The following MAST4 variants were observed in gnomAD, a reference collection of about 807,000 sequenced individuals.
MAST4 encodes microtubule-associated serine/threonine-protein kinase 4.
In MAST4, 89 loss-of-function variants were observed where a neutral mutation model predicts 162.7. The observed-to-expected ratio is 0.55, with a 90% CI of 0.46 to 0.65. The LOEUF (loss-of-function observed/expected upper bound fraction) is 0.65. Among genes scored for constraint, MAST4 ranks in the 30% least tolerant of loss-of-function variants. The pLI, the probability that MAST4 is intolerant of heterozygous loss-of-function variation, is 0.00. For missense variants in MAST4, 3,153 were observed against 3,374.0 expected (o/e 0.93, Z 1.62); for synonymous variants, 1,479 against 1,361.1 (o/e 1.09, Z -1.91).
chr5:67,039,114 T>A (rs1238762769), intron 4 of MAST4, among the ~76,000 whole-genome samples: 1 of 152,244 alleles, frequency 6.6e-6, no homozygotes, highest in African/African-American at 2.4e-5. Flanking sequence ...TGTTTTCAGA[T>A]GTATTTTACC....
At chr5:66,743,208 CTTTT>C (rs1365423721) in intron 1 of MAST4, among the ~76,000 whole-genome samples, 3 of 152,186 alleles carry the variant, frequency 2.0e-5, no homozygotes, top group Non-Finnish European at 4.4e-5. Flanking sequence ...TTTCTTCTTT[CTTTT>C]GTTTTTCTCA....
chr5:66,666,977 A>G (rs1561248993), intron 1 of MAST4, among the ~76,000 whole-genome samples: 2 of 152,150 alleles, frequency 1.3e-5, no homozygotes, highest in African/African-American at 4.8e-5. Flanking sequence ...GCCTGCCAGA[A>G]AGAGGCGGCC....
intron 1 of MAST4, among the ~76,000 whole-genome samples, chr5:66,676,713 T>C (rs1219002359): frequency 6.6e-6 from 1 of 152,202 alleles, no homozygotes; most frequent in African/African-American, 2.4e-5. Flanking sequence ...GGCTGCTCTT[T>C]AGGAGTTTGT....
chr5:66,891,046 T>G lies in MAST4; in HGVS notation c.643-8905T>G, dbSNP rs1470085039. Among the ~76,000 whole-genome samples the G allele has an allele frequency of 3.3e-5, 5 of 152,362 alleles. No individual in the cohort carries two copies. In the East Asian group the frequency reaches 9.6e-4, roughly 29 times the overall value. ...GTCATGAATGATGTTTAACTTTTCA[T>G]CTAAGCAAAATCTGGGATTTTATTT... On this transcript the variant is annotated intron_variant, in intron 3 of 28. Coordinates refer to ENST00000403625, the MANE Select transcript of MAST4 (RefSeq NM_001164664.2).
Position 67,168,707 on chromosome 5 carries a change from T to A in MAST4, c.*1656T>A, listed in dbSNP as rs1774310857. 1 of 152,134 alleles carries A rather than the reference T, an allele frequency of 6.6e-6. No individual in the cohort carries two copies. Among genetic ancestry groups the A allele is most frequent in the Non-Finnish European group, 1.5e-5 (1 of 68,036 alleles). The allele number at this position is 152,134 out of a possible 1,614,324, so 9.4% of individuals were successfully genotyped here. A position where few individuals can be genotyped will look rare whatever the true frequency, so the allele number is the denominator to read the frequency against. On this transcript the variant is annotated 3_prime_UTR_variant, in exon 29 of 29. Coordinates refer to ENST00000403625, the MANE Select transcript of MAST4 (RefSeq NM_001164664.2). ...TAAATAACTGATCTAGCACCCAAAC[T>A]CTCTTGGGGGATGTCTTAGTATCTT... is the stretch of plus-strand genomic sequence containing the variant.
At chr5:66,974,496 T>G (rs985307555) in intron 4 of MAST4, among the ~76,000 whole-genome samples, 2 of 152,228 alleles carry the variant, frequency 1.3e-5, no homozygotes, top group Non-Finnish European at 1.5e-5. Context: ...TCTAGTAGTT[T>G]TCCTGCCTTT....
Position 67,167,234 on chromosome 5 carries a change from C to G in MAST4, c.*183C>G, listed in dbSNP as rs1277080847. The G allele has an allele frequency of 1.5e-5, 3 of 199,992 alleles. No homozygotes were observed. The highest frequency in any genetic ancestry group is 6.0e-5 in the African/African-American group (2 of 33,326). 12.4% of individuals were successfully genotyped at this position (199,992 alleles called of 1,614,324 possible). On this transcript the variant is annotated 3_prime_UTR_variant, in exon 29 of 29. Transcript: ENST00000403625. ...TTCCAGATGCCTTCCCAGTTGTAAC[C>G]GGTAAAACTGTTACCAGATAGTGTT...
chr5:66,957,207 T>C (rs1745421367), intron 4 of MAST4, among the ~76,000 whole-genome samples: 2 of 152,168 alleles, frequency 1.3e-5, no homozygotes, highest in Admixed American at 6.5e-5. Context: ...TTCGCTTTAT[T>C]TTTTGTTATA....
rs33936607 is a variant in MAST4, at chr5:66,774,995, C to CTGTG, written c.518-13637_518-13634dup. On this transcript the variant is annotated intron_variant, in intron 2 of 28. Transcript: ENST00000403625. Reference sequence around the variant, plus strand: ...TAGACATTCGTTCAATATCCTTTTCCTGTGTGTGTGTGTGTGTGTGTGTGT... The same window carrying CTGTG: ...TAGACATTCGTTCAATATCCTTTTCCTGTGTGTGTGTGTGTGTGTGTGTGTGTGT... Among the ~76,000 whole-genome samples, 1,059 of 142,140 alleles carry CTGTG rather than the reference C, an allele frequency of 7.5e-3. 10 individuals carry two copies. The highest frequency in any genetic ancestry group is 0.023 in the African/African-American group (879 of 37,604). The allele number at this position is 142,140 out of a possible 152,430, so 93.2% of individuals were successfully genotyped here. A position where few individuals can be genotyped will look rare whatever the true frequency, so the allele number is the denominator to read the frequency against.
At chr5:66,666,846 G>A (rs1177587843) in intron 1 of MAST4, among the ~76,000 whole-genome samples, 1 of 152,236 alleles carries the variant, frequency 6.6e-6, no homozygotes, top group Non-Finnish European at 1.5e-5. Flanking sequence ...GGCATAGCTA[G>A]TAAAGGGGCC....
chr5:66,727,039 T>C (rs534122321), intron 1 of MAST4, among the ~76,000 whole-genome samples: 34 of 152,126 alleles, frequency 2.2e-4, no homozygotes, highest in African/African-American at 8.0e-4. Flanking sequence ...AGTTAGGAAG[T>C]GGTGTGCACA....
At chr5:66,788,511 A>G (rs1178569325) in intron 2 of MAST4, among the ~76,000 whole-genome samples, 159 bp from the exon 3 acceptor site, 2 of 152,198 alleles carry the variant, frequency 1.3e-5, no homozygotes, top group African/African-American at 4.8e-5. Flanking sequence ...CTTAATTAGA[A>G]CAAGTTTTCC....
Position 67,149,637 on chromosome 5 carries a change from C to G in MAST4, c.3295+48C>G, listed in dbSNP as rs199911412. 4 of 1,554,908 alleles carry G rather than the reference C, an allele frequency of 2.6e-6. No homozygotes were observed. The African/African-American group carries it at 5.4e-5, about 21-fold the overall frequency. On this transcript the variant is annotated intron_variant, in intron 24 of 28. Coordinates refer to ENST00000403625, the MANE Select transcript of MAST4 (RefSeq NM_001164664.2). Reference sequence around the variant, plus strand: ...AAATTGTGTGATTTGTGCATGTGGTCCCATCCCTCCTCTCCCAATTTGGAA... The same window carrying G: ...AAATTGTGTGATTTGTGCATGTGGTGCCATCCCTCCTCTCCCAATTTGGAA...
chr5:66,699,639 T>C (rs1003609377), intron 1 of MAST4, among the ~76,000 whole-genome samples: 8 of 151,974 alleles, frequency 5.3e-5, no homozygotes, highest in Admixed American at 1.3e-4. Context: ...AAACCATCAG[T>C]CTTAGCAGAC....
In MAST4 at chr5:67,166,730, G is replaced by A; in HGVS notation, c.7551G>A (p.Lys2517=). Residue 2517 remains lysine (K), a synonymous_variant, in exon 29 of 29, where the codon AAG becomes AAA. Transcript: ENST00000403625. ...GGGAGGGCCGAACCCACATGACAAA[G>A]AGTGACTCCCTGCCCTCCTTCCGGG... ...PAGEGRTHMT[K]SDSLPSFRVS... 1 of 1,590,818 alleles carries A rather than the reference G, an allele frequency of 6.3e-7. No individual in the cohort carries two copies.
At chr5:67,033,370 A>G (rs1755612630) in intron 4 of MAST4, among the ~76,000 whole-genome samples, 1 of 130,684 alleles carries the variant, frequency 7.7e-6, no homozygotes, top group South Asian at 2.4e-4. Flanking sequence ...AGATTGTTAC[A>G]GATACTTCTC....
At chr5:67,101,933 A>G (rs557467299) in intron 8 of MAST4, among the ~76,000 whole-genome samples, 1 of 151,516 alleles carries the variant, frequency 6.6e-6, no homozygotes, top group Non-Finnish European at 1.5e-5. Context: ...TAAACCTACT[A>G]TTGAAAGAGT....
At chr5:66,735,153 T>C (rs1231722583) in intron 1 of MAST4, among the ~76,000 whole-genome samples, 1 of 152,250 alleles carries the variant, frequency 6.6e-6, no homozygotes, top group Non-Finnish European at 1.5e-5. Context: ...GGTGAATCTT[T>C]TCTACCAGTA....
Position 66,596,881 on chromosome 5 carries a change from C to T in MAST4, c.226C>T (p.Arg76Trp). The change falls in exon 1 of 29, where the codon CGG becomes TGG. Residue 76 changes from arginine (R) to tryptophan (W), a missense_variant. Physicochemically the swap from Arg to Trp is moderately radical, Grantham distance 101. Transcript: ENST00000403625. ...GCCGTTGGGAGGCACCCTGGGCGCC[C>T]GGGCGCCCGCCGCGTGGGCTCCGGC... ...PPPLGGTLGA[R>W]APAAWAPASV... 3 of 1,238,794 alleles carry T rather than the reference C, an allele frequency of 2.4e-6. No individual in the cohort carries two copies. The highest frequency in any genetic ancestry group is 3.0e-6 in the Non-Finnish European group (3 of 989,512). The allele number at this position is 1,238,794 out of a possible 1,614,324, so 76.7% of individuals were successfully genotyped here. A position where few individuals can be genotyped will look rare whatever the true frequency, so the allele number is the denominator to read the frequency against.
Sources: gnomAD v4.1 joint callset for allele counts (sites outside exome capture counted in the v4.1 genomes callset) on GRCh38, gnomAD v4.1.1 for gene constraint, MANE v1.5 for transcripts, NCBI Gene and HGNC (gene_info 2026-07-23, HGNC 2026-07-21) for gene names.